The following ELMO1 variants were observed in gnomAD, a reference collection of about 807,000 sequenced individuals.
The protein encoded by ELMO1 is engulfment and cell motility protein 1.
Under a neutral mutation model 98.9 loss-of-function variants are expected in ELMO1, and 26 were observed. That is an observed-to-expected ratio of 0.26 (90% confidence interval 0.19 to 0.36). The LOEUF is 0.36. Among genes scored for constraint, ELMO1 ranks in the 10% least tolerant of loss-of-function variants. ELMO1 has a pLI of 1.00. For synonymous variants in ELMO1, 346 were observed against 346.0 expected (o/e 1.00, Z 0.00); for missense variants, 627 against 935.2 (o/e 0.67, Z 4.30).
chr7:37,407,731 C>T (rs1012710426), intron 1 of ELMO1, among the ~76,000 whole-genome samples: 11 of 152,038 alleles, frequency 7.2e-5, no homozygotes, highest in African/African-American at 2.7e-4. Context: ...TTTTGTATGA[C>T]AGAATAATGG....
At chr7:37,150,985 T>C (rs1253483359) in intron 13 of ELMO1, among the ~76,000 whole-genome samples, 1 of 152,220 alleles carries the variant, frequency 6.6e-6, no homozygotes, top group Non-Finnish European at 1.5e-5. Context: ...CAGGTCAGCA[T>C]CCAGCTGTGC....
intron 6 of ELMO1, among the ~76,000 whole-genome samples, chr7:37,246,188 G>GA (rs1237976621): frequency 6.6e-6 from 1 of 151,994 alleles, no homozygotes; most frequent in African/African-American, 2.4e-5. Flanking sequence ...AATACGTAGG[G>GA]AAAAAACAGA....
intron 16 of ELMO1, among the ~76,000 whole-genome samples, chr7:36,958,663 G>A (rs1021232466): frequency 2.0e-5 from 3 of 152,060 alleles, no homozygotes; most frequent in African/African-American, 7.2e-5. Context: ...GCTGATAATG[G>A]CCTCTTCCTA....
chr7:37,401,076 C>A (rs994568767), intron 1 of ELMO1, among the ~76,000 whole-genome samples: 1 of 152,068 alleles, frequency 6.6e-6, no homozygotes, highest in African/African-American at 2.4e-5. Context: ...CCCTAGGAAC[C>A]CTACACTGGG....
chr7:36,919,524 TA>T, intron 16 of ELMO1: 1 of 402,514 alleles, frequency 2.5e-6, no homozygotes, highest in Non-Finnish European at 5.5e-6. Context: ...TCTTCATCTG[TA>T]AAATGGGATA....
intron 13 of ELMO1, among the ~76,000 whole-genome samples, chr7:37,162,808 G>A (rs1463404511): frequency 6.6e-6 from 1 of 152,160 alleles, no homozygotes; most frequent in Non-Finnish European, 1.5e-5. Context: ...TGCAAAGCTG[G>A]TTAATGTCCT....
intron 16 of ELMO1, among the ~76,000 whole-genome samples, chr7:37,011,742 C>T (rs1162118586): frequency 1.3e-5 from 2 of 152,152 alleles, no homozygotes; most frequent in Non-Finnish European, 2.9e-5. Context: ...CATGAAAGAG[C>T]TGAAATGATC....
At chr7:36,931,877 A>T (rs183327973) in intron 16 of ELMO1, among the ~76,000 whole-genome samples, 26 of 152,330 alleles carry the variant, frequency 1.7e-4, no homozygotes, top group Admixed American at 1.7e-3. Flanking sequence ...GTGTGTGTTA[A>T]ACACTAATTG....
intron 17 of ELMO1, among the ~76,000 whole-genome samples, chr7:36,890,885 C>A (rs958334163): frequency 5.9e-5 from 9 of 152,136 alleles, no homozygotes; most frequent in African/African-American, 2.2e-4. Flanking sequence ...TTGCTCTCTC[C>A]CCCTCAGTTA....
intron 1 of ELMO1, among the ~76,000 whole-genome samples, chr7:37,420,505 A>G (rs201149251): frequency 8.2e-4 from 125 of 152,330 alleles, no homozygotes; most frequent in African/African-American, 2.2e-3. Flanking sequence ...AGAACATTTG[A>G]GGCTGTGCTC....
At chr7:37,119,825 T>C (rs1785879668) in intron 14 of ELMO1, among the ~76,000 whole-genome samples, 1 of 152,212 alleles carries the variant, frequency 6.6e-6, no homozygotes, top group Non-Finnish European at 1.5e-5. Flanking sequence ...CTCAGGAAAT[T>C]CATTATCTTC....
At chr7:37,125,768 A>C (rs1234207857) in intron 14 of ELMO1, among the ~76,000 whole-genome samples, 2 of 152,186 alleles carry the variant, frequency 1.3e-5, no homozygotes, top group African/African-American at 4.8e-5. Context: ...AACTAGAAAT[A>C]CCATTTGACC....
At position 36,986,038 on chromosome 7, in the gene ELMO1, G is replaced by A. The variant is rs546534840; in HGVS notation, c.1437+27261C>T. The A allele has an allele frequency of 6.2e-5, 62 of 1,001,642 alleles. No homozygotes were observed. The Middle Eastern group carries it at 1.1e-3, about 18-fold the overall frequency. 62.0% of individuals were successfully genotyped at this position (1,001,642 alleles called of 1,614,324 possible). A position where few individuals can be genotyped will look rare whatever the true frequency, so the allele number is the denominator to read the frequency against. ...ACAATGTGCTGGAATACCACCAGAT[G>A]GTTCCTGAGTAAGCTTGTTCATGAA... is the stretch of plus-strand genomic sequence containing the variant. On this transcript the variant is annotated intron_variant, in intron 16 of 21. Transcript: ENST00000310758.
chr7:37,241,344 G>A (rs1300326114), intron 7 of ELMO1, among the ~76,000 whole-genome samples: 1 of 151,796 alleles, frequency 6.6e-6, no homozygotes, highest in African/African-American at 2.4e-5. Context: ...ATTAGCATTT[G>A]CATGGTATAT....
intron 13 of ELMO1, among the ~76,000 whole-genome samples, chr7:37,163,848 T>C (rs947065053): frequency 1.5e-4 from 23 of 152,350 alleles, no homozygotes; most frequent in African/African-American, 5.3e-4. Context: ...TTTGGGTATA[T>C]ACCCAGTAAT....
chr7:36,968,507 G>A (rs1181042798), intron 16 of ELMO1, among the ~76,000 whole-genome samples: 2 of 152,082 alleles, frequency 1.3e-5, no homozygotes, highest in African/African-American at 4.8e-5. Flanking sequence ...GCGTGTCTGG[G>A]TGTACTAATT....
At chr7:36,980,382 T>C (rs887021169) in intron 16 of ELMO1, among the ~76,000 whole-genome samples, 1 of 152,194 alleles carries the variant, frequency 6.6e-6, no homozygotes, top group Non-Finnish European at 1.5e-5. Context: ...GACCGTTATT[T>C]TCAATGGAAC....
At chr7:37,120,248 T>C (rs1373172511) in intron 14 of ELMO1, among the ~76,000 whole-genome samples, 1 of 152,196 alleles carries the variant, frequency 6.6e-6, no homozygotes, top group East Asian at 1.9e-4. Context: ...CATTTCAAAC[T>C]GAGATACTGG....
intron 13 of ELMO1, among the ~76,000 whole-genome samples, chr7:37,140,958 T>C (rs1475045113): frequency 1.3e-5 from 2 of 152,154 alleles, no homozygotes; most frequent in Non-Finnish European, 2.9e-5. Context: ...ACAACCACTA[T>C]AGAAAACAGT....
Sources: allele counts gnomAD v4.1 joint callset (sites outside exome capture counted in the v4.1 genomes callset), GRCh38; gene constraint gnomAD v4.1.1; transcripts MANE v1.5; gene names NCBI Gene and HGNC (gene_info 2026-07-23, HGNC 2026-07-21).